ATP8A2: variants seen among roughly 807,000 people sequenced by gnomAD.
ATP8A2 encodes phospholipid-transporting ATPase IB.
ATP8A2 carries 100 observed loss-of-function variants against 165.6 expected under a neutral mutation model. That is an observed-to-expected ratio of 0.60 (90% CI 0.51 to 0.71). The LOEUF (loss-of-function observed/expected upper bound fraction) is 0.71. Among genes scored for constraint, ATP8A2 ranks in the 30% least tolerant of loss-of-function variants. ATP8A2 has a pLI of 0.00. For missense variants in ATP8A2, 1,227 were observed against 1,479.5 expected (o/e 0.83, Z 2.80); for synonymous variants, 543 against 548.8 (o/e 0.99, Z 0.15).
chr13:25,666,401 A>ATG (rs1158321324), intron 24 of ATP8A2, among the ~76,000 whole-genome samples: 1 of 151,476 alleles, frequency 6.6e-6, no homozygotes, highest in African/African-American at 2.4e-5. Flanking sequence ...GTGTGTATGT[A>ATG]TGTGTATATA....
At chr13:25,954,178 C>T (rs112344878) in intron 33 of ATP8A2, among the ~76,000 whole-genome samples, 1,783 of 152,308 alleles carry the variant, frequency 0.012, 12 homozygotes, top group Middle Eastern at 0.044. Context: ...AGGGGAGGTG[C>T]GTCCACCATT....
intron 35 of ATP8A2, among the ~76,000 whole-genome samples, chr13:25,987,494 G>A (rs1181301837): frequency 6.6e-6 from 1 of 152,224 alleles, no homozygotes; most frequent in African/African-American, 2.4e-5. Context: ...GTCTGTCCAT[G>A]TGCTGATCAG....
intron 1 of ATP8A2, among the ~76,000 whole-genome samples, chr13:25,463,652 T>G (rs1344844303): frequency 3.9e-5 from 6 of 152,112 alleles, no homozygotes; most frequent in Admixed American, 3.9e-4. Context: ...ACATTCCAAG[T>G]GAGTGAAACG....
intron 24 of ATP8A2, among the ~76,000 whole-genome samples, chr13:25,692,637 C>T (rs2042749588): frequency 2.0e-5 from 3 of 152,288 alleles, no homozygotes; most frequent in Middle Eastern, 3.4e-3. Flanking sequence ...GCACTTCCAC[C>T]GTCTTTCAGG....
intron 33 of ATP8A2, among the ~76,000 whole-genome samples, chr13:25,917,698 T>G (rs1379238139): frequency 6.6e-6 from 1 of 152,242 alleles, no homozygotes; most frequent in African/African-American, 2.4e-5. Context: ...TCAAGACCAA[T>G]CACTCATTAA....
At chr13:25,734,267 G>T (rs942443641) in intron 25 of ATP8A2, among the ~76,000 whole-genome samples, 1 of 152,180 alleles carries the variant, frequency 6.6e-6, no homozygotes, top group Non-Finnish European at 1.5e-5. Context: ...CAGTGCTACT[G>T]GGAAAGGCTC....
intron 1 of ATP8A2, among the ~76,000 whole-genome samples, chr13:25,447,171 G>C (rs1271450342): frequency 6.6e-6 from 1 of 152,058 alleles, no homozygotes; most frequent in Non-Finnish European, 1.5e-5. Context: ...AAATAGCAGA[G>C]ATATTTAGGT....
At chr13:25,434,444 G>A (rs1162376588) in intron 1 of ATP8A2, among the ~76,000 whole-genome samples, 1 of 151,992 alleles carries the variant, frequency 6.6e-6, no homozygotes, top group Non-Finnish European at 1.5e-5. Flanking sequence ...TGCCTCCTGG[G>A]TTCAAGTGTT....
At chr13:25,593,265 A>G (rs555353731) in intron 24 of ATP8A2, among the ~76,000 whole-genome samples, 3 of 152,344 alleles carry the variant, frequency 2.0e-5, no homozygotes, top group South Asian at 2.1e-4. Context: ...CCCAACAATT[A>G]GAAGCATTTG....
intron 24 of ATP8A2, among the ~76,000 whole-genome samples, chr13:25,698,163 T>G (rs976953985): frequency 6.6e-6 from 1 of 152,120 alleles, no homozygotes; most frequent in Admixed American, 6.5e-5. Flanking sequence ...AATTACATTC[T>G]TATATTTGAG....
chr13:25,681,139 T>G (rs1445917231), intron 24 of ATP8A2, among the ~76,000 whole-genome samples: 1 of 152,114 alleles, frequency 6.6e-6, no homozygotes, highest in African/African-American at 2.4e-5. Context: ...GGGAACTGTT[T>G]AGAAAAAAGA....
intron 25 of ATP8A2, among the ~76,000 whole-genome samples, chr13:25,727,518 C>T (rs754837065): frequency 6.7e-4 from 102 of 152,224 alleles, no homozygotes; most frequent in Non-Finnish European, 1.0e-3. Flanking sequence ...GGAGACTCTG[C>T]GTGTGAGATG....
Position 25,721,716 on chromosome 13 carries a change from G to C in ATP8A2, c.2384+22371G>C, listed in dbSNP as rs144198763. ...ACATCATGCAGTCTTGCATGTGTCT[G>C]TCTTCTTCCACTTACGACAGTGTTT... On this transcript the variant is annotated intron_variant, in intron 25 of 36. Transcript: ENST00000381655. Among the ~76,000 whole-genome samples the C allele has an allele frequency of 9.6e-4, 146 of 152,250 alleles. 3 individuals carry two copies. The highest frequency in any genetic ancestry group is 3.3e-3 in the African/African-American group (139 of 41,542).
chr13:25,682,297 G>T (rs1304154374), intron 24 of ATP8A2, among the ~76,000 whole-genome samples: 1 of 151,936 alleles, frequency 6.6e-6, no homozygotes, highest in African/African-American at 2.4e-5. Flanking sequence ...CCCCTCCTCT[G>T]CAAACACCTT....
chr13:25,731,207 GAGAAAGA>G, intron 25 of ATP8A2, among the ~76,000 whole-genome samples: 1 of 149,904 alleles, frequency 6.7e-6, no homozygotes, highest in Non-Finnish European at 1.5e-5. Context: ...GAGAGAAAGA[GAGAAAGA>G]GAAAGAAGAA....
chr13:26,019,451 A>G (rs1441930278), intron 36 of ATP8A2, among the ~76,000 whole-genome samples: 3 of 152,182 alleles, frequency 2.0e-5, no homozygotes, highest in African/African-American at 7.2e-5. Context: ...AGCTTGCACT[A>G]TTAGTGTTGT....
intron 1 of ATP8A2, among the ~76,000 whole-genome samples, chr13:25,433,591 G>C (rs1410358386): frequency 6.6e-6 from 1 of 152,162 alleles, no homozygotes; most frequent in Non-Finnish European, 1.5e-5. Context: ...TGTTTTTCAA[G>C]TGCTGTTTGT....
intron 33 of ATP8A2, among the ~76,000 whole-genome samples, chr13:25,895,440 T>G (rs2138920252): frequency 6.6e-6 from 1 of 152,362 alleles, no homozygotes; most frequent in Admixed American, 6.5e-5. Context: ...TTTGCCAGTA[T>G]TTTATTGAGG....
In ATP8A2 at chr13:25,524,935, C is replaced by CTTCT. The variant is rs1555289563; in HGVS notation, c.222-5060_222-5057dup. On this transcript the variant is annotated intron_variant, in intron 2 of 36. Transcript: ENST00000381655. ...CCTTCCTTCCTTCCTTCCTTCCTTC[C>CTTCT]TTCTTTCCTTCCGTCTTTCAGTCCT... 9.0e-4 allele frequency among the ~76,000 whole-genome samples: 100 copies of CTTCT among 111,078 alleles called. 1 individual carries two copies. Among genetic ancestry groups the CTTCT allele is most frequent in the Admixed American group, 2.3e-3 (24 of 10,642 alleles). 72.9% of individuals were successfully genotyped at this position (111,078 alleles called of 152,430 possible).
Sources: allele counts gnomAD v4.1 joint callset (sites outside exome capture counted in the v4.1 genomes callset), GRCh38; gene constraint gnomAD v4.1.1; transcripts MANE v1.5; gene names NCBI Gene and HGNC (gene_info 2026-07-23, HGNC 2026-07-21).